Variants in SPMIP11 observed in about 807,000 individuals in gnomAD.
SPMIP11 encodes the protein sperm microtubule inner protein 11.
At chr12:48,758,647 T>C in the SPMIP11 span, among the ~76,000 whole-genome samples, 5 of 152,198 alleles carry the variant, frequency 3.3e-5, no homozygotes, top group Non-Finnish European at 5.9e-5. Flanking sequence ...GCCACTATAA[T>C]ACACCACCTT....
At chr12:48,762,720 A>G in the SPMIP11 span, among the ~76,000 whole-genome samples, 32 of 152,206 alleles carry the variant, frequency 2.1e-4, no homozygotes, top group South Asian at 6.4e-3. Flanking sequence ...CAGATCACTG[A>G]TTTCCAAAGC....
At chr12:48,742,082 T>TA in the SPMIP11 span, among the ~76,000 whole-genome samples, 2 of 151,950 alleles carry the variant, frequency 1.3e-5, no homozygotes, top group East Asian at 1.9e-4. Flanking sequence ...ACTACAATTT[T>TA]AAAAAAAATT....
the SPMIP11 span, among the ~76,000 whole-genome samples, chr12:48,754,060 T>C: frequency 2.0e-5 from 3 of 152,112 alleles, no homozygotes; most frequent in African/African-American, 7.2e-5. Context: ...CCAGAGCCAC[T>C]GAGCCCCTCT....
At chr12:48,756,248 C>T in the SPMIP11 span, among the ~76,000 whole-genome samples, 3 of 152,180 alleles carry the variant, frequency 2.0e-5, no homozygotes, top group Admixed American at 6.5e-5. Context: ...ATTCAAATAC[C>T]GGCTCAATAA....
the SPMIP11 span, among the ~76,000 whole-genome samples, chr12:48,753,147 A>C: frequency 6.6e-6 from 1 of 152,136 alleles, no homozygotes; most frequent in South Asian, 2.1e-4. Context: ...AGGCACCCAG[A>C]ACACTGTTCA....
At chr12:48,758,895 T>C in the SPMIP11 span, among the ~76,000 whole-genome samples, 5 of 152,348 alleles carry the variant, frequency 3.3e-5, no homozygotes, top group African/African-American at 9.6e-5. Context: ...AAGGAATGTC[T>C]ACCCAGATAA....
the SPMIP11 span, chr12:48,769,080 C>CA: frequency 1.3e-6 from 2 of 1,599,626 alleles, no homozygotes; most frequent in African/African-American, 2.7e-5. Context: ...GAGAGAACAG[C>CA]AAGAGACTAG....
the SPMIP11 span, among the ~76,000 whole-genome samples, chr12:48,760,270 C>T: frequency 6.6e-6 from 1 of 150,936 alleles, no homozygotes; most frequent in East Asian, 2.0e-4. Flanking sequence ...AACTCCTGGG[C>T]TCAAGTGATC....
At chr12:48,749,261 CAA>C in the SPMIP11 span, among the ~76,000 whole-genome samples, 5 of 129,466 alleles carry the variant, frequency 3.9e-5, no homozygotes, top group Admixed American at 7.8e-5. Context: ...GACTCAGTCT[CAA>C]AAAAAAAAAA....
At chr12:48,754,167 G>A in the SPMIP11 span, among the ~76,000 whole-genome samples, 4 of 152,152 alleles carry the variant, frequency 2.6e-5, no homozygotes, top group Non-Finnish European at 5.9e-5. Context: ...GTGTGAGGCC[G>A]AGGCAGGAAG....
At chr12:48,770,640 G>A in the SPMIP11 span, 3 of 898,816 alleles carry the variant, frequency 3.3e-6, no homozygotes, top group Non-Finnish European at 5.3e-6. Context: ...TGATATAGGA[G>A]GTCAGAGGGA....
the SPMIP11 span, among the ~76,000 whole-genome samples, chr12:48,760,786 C>T: frequency 6.6e-6 from 1 of 152,216 alleles, no homozygotes; most frequent in Non-Finnish European, 1.5e-5. Context: ...CTCGGCCTCC[C>T]AAAGTGCTGG....
At chr12:48,765,792 T>C in the SPMIP11 span, 1 of 647,214 alleles carries the variant, frequency 1.5e-6, no homozygotes. Context: ...GGACTAAAAG[T>C]TGCTTGTGTG....
chr12:48,751,268 CAA>C, the SPMIP11 span, among the ~76,000 whole-genome samples: 2 of 152,148 alleles, frequency 1.3e-5, no homozygotes, highest in Admixed American at 1.3e-4. Context: ...ATAGAAAAAT[CAA>C]AGAGGCAAAT....
chr12:48,765,886 T>C, the SPMIP11 span: 3 of 520,886 alleles, frequency 5.8e-6, no homozygotes, highest in Middle Eastern at 5.2e-4. Context: ...GATTCCTGAA[T>C]AAGCCAGACC....
At chr12:48,758,543 T>C in the SPMIP11 span, among the ~76,000 whole-genome samples, 3 of 152,186 alleles carry the variant, frequency 2.0e-5, no homozygotes, top group African/African-American at 7.2e-5. Flanking sequence ...GAAAGAGAGG[T>C]TGGATAAGGA....
chr12:48,730,831 G>A, the SPMIP11 span, among the ~76,000 whole-genome samples: 7 of 152,136 alleles, frequency 4.6e-5, no homozygotes, highest in South Asian at 2.1e-4. Context: ...CCAGTTACTC[G>A]GGAGGCTGAG....
the SPMIP11 span, chr12:48,765,021 G>A: frequency 1.4e-6 from 1 of 694,824 alleles, no homozygotes; most frequent in South Asian, 1.5e-5. Context: ...GTAAGGGTGG[G>A]GAGGTCAAGG....
the SPMIP11 span, among the ~76,000 whole-genome samples, chr12:48,752,396 A>G: frequency 4.9e-3 from 748 of 152,180 alleles, 8 homozygotes; most frequent in African/African-American, 0.017. Context: ...TCAACTCACT[A>G]CCCACAGAAG....
Sources: gnomAD v4.1 joint callset for allele counts (sites outside exome capture counted in the v4.1 genomes callset) on GRCh38, gnomAD v4.1.1 for gene constraint, MANE v1.5 for transcripts, NCBI Gene and HGNC (gene_info 2026-07-23, HGNC 2026-07-21) for gene names.